Variants in PTPRR observed in about 807,000 individuals in gnomAD.
The protein encoded by PTPRR is receptor-type tyrosine-protein phosphatase R.
A neutral mutation model predicts 77.2 loss-of-function variants in PTPRR; 38 were observed. That is an observed-to-expected ratio of 0.49 (90% CI 0.38 to 0.65). The LOEUF (loss-of-function observed/expected upper bound fraction) is 0.65. Among genes scored for constraint, PTPRR ranks in the 30% least tolerant of loss-of-function variants. The probability of loss-of-function intolerance (pLI) is 0.00; values close to 1 mark genes in which losing one functional copy is unlikely to be tolerated. For synonymous variants in PTPRR, 299 were observed against 283.1 expected (o/e 1.06, Z -0.57); for missense variants, 744 against 799.2 (o/e 0.93, Z 0.83).
At chr12:70,810,227 G>C (rs1274484371) in intron 2 of PTPRR, among the ~76,000 whole-genome samples, 3 of 152,130 alleles carry the variant, frequency 2.0e-5, no homozygotes, top group Non-Finnish European at 4.4e-5. Flanking sequence ...AAAAACCTCA[G>C]CTAAAATTAA....
chr12:70,744,178 A>G (rs1890139500), intron 6 of PTPRR, among the ~76,000 whole-genome samples: 1 of 152,226 alleles, frequency 6.6e-6, no homozygotes, highest in Non-Finnish European at 1.5e-5. Flanking sequence ...AAACCTCTTT[A>G]TCTTTTAGAA....
intron 10 of PTPRR, among the ~76,000 whole-genome samples, chr12:70,676,907 T>C (rs913248604): frequency 6.6e-6 from 1 of 151,928 alleles, no homozygotes; most frequent in Admixed American, 6.6e-5. Context: ...CAAGATCTTT[T>C]GTCGCTTCAT....
At chr12:70,657,266 G>C (rs1006958687) in intron 12 of PTPRR, among the ~76,000 whole-genome samples, 6 of 152,106 alleles carry the variant, frequency 3.9e-5, no homozygotes, top group African/African-American at 1.4e-4. Context: ...CTGGAATAGG[G>C]TGAATTTGAA....
At chr12:70,906,058 G>C (rs762419599) in intron 1 of PTPRR, among the ~76,000 whole-genome samples, 1 of 151,914 alleles carries the variant, frequency 6.6e-6, no homozygotes, top group African/African-American at 2.4e-5. Context: ...AGCAATAAAA[G>C]TTCTTTTGGG....
At chr12:70,830,586 T>C (rs1461583287) in intron 2 of PTPRR, among the ~76,000 whole-genome samples, 2 of 152,198 alleles carry the variant, frequency 1.3e-5, no homozygotes, top group East Asian at 3.9e-4. Flanking sequence ...AATAGTACAA[T>C]CTAGCAAGGT....
intron 2 of PTPRR, among the ~76,000 whole-genome samples, chr12:70,804,240 G>A (rs548316682): frequency 6.6e-6 from 1 of 150,658 alleles, no homozygotes; most frequent in African/African-American, 2.4e-5. Context: ...AGGTTGGTTA[G>A]CTGGCTATTT....
intron 2 of PTPRR, among the ~76,000 whole-genome samples, chr12:70,833,673 C>T (rs1015123309): frequency 6.6e-6 from 1 of 152,158 alleles, no homozygotes; most frequent in African/African-American, 2.4e-5. Context: ...AATTCTTCAT[C>T]TTGCCTGCAT....
intron 13 of PTPRR, among the ~76,000 whole-genome samples, chr12:70,642,384 T>C (rs769665438): frequency 4.6e-5 from 7 of 152,236 alleles, no homozygotes; most frequent in Non-Finnish European, 1.0e-4. Flanking sequence ...TGGATCACTA[T>C]CTATCGTCAA....
chr12:70,672,968 C>G (rs1430844629), intron 10 of PTPRR: 1 of 1,413,472 alleles, frequency 7.1e-7, no homozygotes, highest in Non-Finnish European at 9.4e-7. Context: ...GCCCTGTAAG[C>G]CTCCTCTTCT....
intron 2 of PTPRR, among the ~76,000 whole-genome samples, chr12:70,814,060 A>T (rs1263203314): frequency 6.6e-6 from 1 of 152,230 alleles, no homozygotes; most frequent in African/African-American, 2.4e-5. Context: ...GACTTAGGCA[A>T]AATTAACCGT....
intron 2 of PTPRR, among the ~76,000 whole-genome samples, chr12:70,859,442 C>A (rs1040218432): frequency 6.6e-6 from 1 of 151,874 alleles, no homozygotes; most frequent in African/African-American, 2.4e-5. Flanking sequence ...ATTGTATCAT[C>A]GTTTTATGAT....
chr12:70,917,666 C>A (rs376128280), intron 1 of PTPRR, among the ~76,000 whole-genome samples: 3 of 152,112 alleles, frequency 2.0e-5, no homozygotes, highest in Non-Finnish European at 2.9e-5. Flanking sequence ...AGCCAGAATG[C>A]GAGTCATAAT....
intron 1 of PTPRR, among the ~76,000 whole-genome samples, chr12:70,902,283 C>G (rs1893549909): frequency 6.6e-6 from 1 of 151,746 alleles, no homozygotes; most frequent in South Asian, 2.1e-4. Context: ...AAAAGTAGAA[C>G]TACTGTTTGA....
chr12:70,787,370 A>T lies in PTPRR; in HGVS notation c.358-22592T>A, dbSNP rs1056554267. Among the ~76,000 whole-genome samples the T allele has an allele frequency of 2.6e-5, 4 of 152,226 alleles. 1 individual carries two copies. The highest frequency in any genetic ancestry group is 2.6e-4 in the Admixed American group (4 of 15,274). On this transcript the variant is annotated intron_variant, in intron 2 of 13. Transcript: ENST00000283228. ...CAACACAATCCAGCATCAATTATCA[A>T]CTGAGTAATTCGCAATAGCAATTTT... is the stretch of plus-strand genomic sequence containing the variant.
intron 13 of PTPRR, among the ~76,000 whole-genome samples, chr12:70,644,623 A>C (rs189570756): frequency 1.9e-3 from 296 of 152,340 alleles, no homozygotes; most frequent in Non-Finnish European, 3.1e-3. Context: ...CATGTTTAGC[A>C]CATAGCCAAG....
chr12:70,892,466 G>T (rs932349981), intron 2 of PTPRR, among the ~76,000 whole-genome samples: 1 of 152,042 alleles, frequency 6.6e-6, no homozygotes, highest in African/African-American at 2.4e-5. Context: ...TCTGCTATGA[G>T]CGGAGGATAC....
intron 10 of PTPRR, among the ~76,000 whole-genome samples, chr12:70,680,990 A>G (rs1592666816): frequency 6.6e-6 from 1 of 151,702 alleles, no homozygotes; most frequent in Non-Finnish European, 1.5e-5. Context: ...GCTGATCAAG[A>G]TTGTCTGTTC....
intron 13 of PTPRR, among the ~76,000 whole-genome samples, chr12:70,653,192 G>A (rs1332223786): frequency 6.6e-6 from 1 of 152,152 alleles, no homozygotes; most frequent in Non-Finnish European, 1.5e-5. Flanking sequence ...ACAGATGAAA[G>A]TCAATGTGGG....
intron 1 of PTPRR, among the ~76,000 whole-genome samples, chr12:70,905,329 AAG>A (rs904313294): frequency 6.6e-6 from 1 of 151,822 alleles, no homozygotes; most frequent in Admixed American, 6.6e-5. Flanking sequence ...GAGGAATTGA[AAG>A]AGTTATTGTA....
Sources: gnomAD v4.1 joint callset for allele counts (sites outside exome capture counted in the v4.1 genomes callset) on GRCh38, gnomAD v4.1.1 for gene constraint, MANE v1.5 for transcripts, NCBI Gene and HGNC (gene_info 2026-07-23, HGNC 2026-07-21) for gene names.